Variants in ITCH observed in about 807,000 individuals in gnomAD.
ITCH encodes the protein itchy E3 ubiquitin protein ligase, also known as E3 ubiquitin-protein ligase Itchy homolog.
Under a neutral mutation model 126.8 loss-of-function variants are expected in ITCH, and 28 were observed. That is an observed-to-expected ratio of 0.22 (90% CI 0.16 to 0.30). ITCH has a LOEUF of 0.30. ITCH is among the 10% of genes least tolerant of loss of function. The pLI, the probability that ITCH is intolerant of heterozygous loss-of-function variation, is 1.00. For synonymous variants in ITCH, 342 were observed against 340.0 expected (o/e 1.01, Z -0.06); for missense variants, 631 against 1,032.4 (o/e 0.61, Z 5.33).
chr20:34,448,199 C>G (rs1984704833), intron 11 of ITCH, among the ~76,000 whole-genome samples: 1 of 152,114 alleles, frequency 6.6e-6, no homozygotes, highest in African/African-American at 2.4e-5. Context: ...TGAGGCCAGC[C>G]TGACCAACAT....
In ITCH at chr20:34,506,408, G is replaced by A. The variant is rs6120667; in HGVS notation, c.2490-1287G>A. On this transcript the variant is annotated intron_variant, in intron 24 of 24. Coordinates refer to ENST00000374864, the MANE Select transcript of ITCH (RefSeq NM_031483.7). ...TGAAATGGTACCCATTAAAGCAGGG[G>A]TCCCCAACTCCTGGTCCCCAGCCTG... Among the ~76,000 whole-genome samples the A allele has an allele frequency of 1.3e-3, 204 of 152,296 alleles. 1 individual carries two copies. The highest frequency in any genetic ancestry group is 4.6e-3 in the African/African-American group (193 of 41,556).
intron 3 of ITCH, among the ~76,000 whole-genome samples, chr20:34,399,157 C>T (rs960805428): frequency 6.6e-6 from 1 of 152,094 alleles, no homozygotes; most frequent in Non-Finnish European, 1.5e-5. Flanking sequence ...CTTTGGGAGG[C>T]CGAGGTGGGC....
intron 17 of ITCH, among the ~76,000 whole-genome samples, chr20:34,479,358 A>G (rs148726687): frequency 1.6e-4 from 24 of 152,320 alleles, no homozygotes; most frequent in African/African-American, 5.8e-4. Flanking sequence ...AAAATTGGAA[A>G]ATACAATTTA....
chr20:34,370,831 AAG>A (rs1226045557), intron 2 of ITCH, among the ~76,000 whole-genome samples: 1 of 152,046 alleles, frequency 6.6e-6, no homozygotes, highest in African/African-American at 2.4e-5. Context: ...GTTAAGCAGT[AAG>A]AGAATAGGGA....
intron 12 of ITCH, among the ~76,000 whole-genome samples, chr20:34,454,144 T>TC (rs1985589170): frequency 6.7e-6 from 1 of 150,300 alleles, no homozygotes; most frequent in South Asian, 2.1e-4. Flanking sequence ...TGTTTTTCTT[T>TC]TTTTTTTTTT....
intron 23 of ITCH, among the ~76,000 whole-genome samples, chr20:34,499,038 G>A (rs1314425975): frequency 1.3e-5 from 2 of 150,660 alleles, no homozygotes; most frequent in Admixed American, 1.3e-4. Context: ...GCAGTGGCAC[G>A]ATCTCGGCTC....
intron 3 of ITCH, among the ~76,000 whole-genome samples, chr20:34,395,903 A>G (rs1482747156): frequency 6.6e-6 from 1 of 152,118 alleles, no homozygotes; most frequent in East Asian, 1.9e-4. Context: ...TGCTATAAAC[A>G]TTTGTGTACA....
intron 2 of ITCH, 30 bp from the exon 3 acceptor site, chr20:34,393,761 T>TG (rs2038568872): frequency 8.0e-7 from 1 of 1,256,078 alleles, no homozygotes; most frequent in African/African-American, 1.5e-5. Context: ...GAATTTTTGA[T>TG]GTTTACAGTG....
At chr20:34,440,132 T>A in intron 8 of ITCH, 23 bp from the exon 9 acceptor site, 1 of 1,554,330 alleles carries the variant, frequency 6.4e-7, no homozygotes, top group South Asian at 1.1e-5. Context: ...ATTCTTTTCC[T>A]ATTTTCCCCA....
At chr20:34,486,243 C>G (rs1194892279) in intron 20 of ITCH, among the ~76,000 whole-genome samples, 1 of 151,566 alleles carries the variant, frequency 6.6e-6, no homozygotes, top group East Asian at 1.9e-4. Context: ...GGTCTCCAAA[C>G]TCCTGGATCC....
intron 21 of ITCH, 39 bp from the exon 22 acceptor site, chr20:34,489,783 G>A (rs561580248): frequency 1.5e-6 from 2 of 1,376,930 alleles, no homozygotes; most frequent in South Asian, 1.2e-5. Context: ...TTTTTGTACA[G>A]TTACCTTAGG....
At chr20:34,424,292 G>T (rs1036839937) in intron 6 of ITCH, among the ~76,000 whole-genome samples, 188 bp from the exon 7 acceptor site, 1 of 152,026 alleles carries the variant, frequency 6.6e-6, no homozygotes, top group Non-Finnish European at 1.5e-5. Flanking sequence ...CAAAATTTTG[G>T]CAGACTTTTT....
At chr20:34,463,603 TTC>T (rs1986743355) in intron 14 of ITCH, among the ~76,000 whole-genome samples, 1 of 152,150 alleles carries the variant, frequency 6.6e-6, no homozygotes, top group Non-Finnish European at 1.5e-5. Flanking sequence ...TCATCAACTC[TTC>T]TGTTTTTTTT....
At chr20:34,481,795 A>G (rs6059863) in intron 20 of ITCH, among the ~76,000 whole-genome samples, 70,120 of 151,958 alleles carry the variant, frequency 0.46, 16,568 homozygotes, top group Non-Finnish European at 0.5. Flanking sequence ...GGCAGATCAC[A>G]AGGTCAGGAG....
chr20:34,444,655 T>C (rs887161440), intron 10 of ITCH, among the ~76,000 whole-genome samples: 17 of 152,152 alleles, frequency 1.1e-4, no homozygotes, highest in African/African-American at 4.1e-4. Context: ...TTGTTTTGTT[T>C]TTTCGAGATG....
At chr20:34,394,105 C>T (rs143758659) in intron 3 of ITCH, among the ~76,000 whole-genome samples, 58 of 148,990 alleles carry the variant, frequency 3.9e-4, no homozygotes, top group African/African-American at 1.2e-3. Flanking sequence ...CCAGCTACTC[C>T]GGAGGCTGAG....
At chr20:34,413,503 T>C (rs1288792515) in intron 5 of ITCH, among the ~76,000 whole-genome samples, 1 of 152,174 alleles carries the variant, frequency 6.6e-6, no homozygotes, top group African/African-American at 2.4e-5. Context: ...TAATAAACGA[T>C]GGAGATACTA....
At chr20:34,502,368 TG>T (rs1015640624) in intron 23 of ITCH, among the ~76,000 whole-genome samples, 2 of 151,022 alleles carry the variant, frequency 1.3e-5, no homozygotes, top group Admixed American at 1.3e-4. Flanking sequence ...CACTTAAGCA[TG>T]GGCAACATAG....
At chr20:34,482,318 G>C (rs949894628) in intron 20 of ITCH, among the ~76,000 whole-genome samples, 1 of 152,186 alleles carries the variant, frequency 6.6e-6, no homozygotes, top group Non-Finnish European at 1.5e-5. Flanking sequence ...AAAGTCCACA[G>C]TCCAAAGTCT....
Sources: allele counts gnomAD v4.1 joint callset (sites outside exome capture counted in the v4.1 genomes callset), GRCh38; gene constraint gnomAD v4.1.1; transcripts MANE v1.5; gene names NCBI Gene and HGNC (gene_info 2026-07-23, HGNC 2026-07-21).